REV3L: variants seen among roughly 807,000 people sequenced by gnomAD.
REV3L encodes the protein DNA polymerase zeta catalytic subunit.
REV3L carries 69 observed loss-of-function variants against 299.4 expected under a neutral mutation model. The ratio of observed to expected loss-of-function variants is 0.23; its 90% confidence interval spans 0.19 to 0.28. REV3L has a LOEUF of 0.28. Ranked by LOEUF, REV3L falls within the 10% of genes least tolerant of loss-of-function variation. The probability of loss-of-function intolerance (pLI) is 1.00; values close to 1 mark genes in which losing one functional copy is unlikely to be tolerated. For missense variants in REV3L, 3,128 were observed against 3,693.8 expected (o/e 0.85, Z 3.97); for synonymous variants, 1,238 against 1,271.4 (o/e 0.97, Z 0.56).
chr6:111,424,000 G>C lies in REV3L; in HGVS notation c.140-7528C>G, dbSNP rs568944516. Among the ~76,000 whole-genome samples, 7 of 152,328 alleles carry C rather than the reference G, an allele frequency of 4.6e-5. No individual in the cohort carries two copies. In the East Asian group the frequency reaches 9.6e-4, roughly 21 times the overall value. On this transcript the variant is annotated intron_variant, in intron 1 of 31. Transcript: ENST00000368802. ...GAGCTTAAGAAAGAGATCTGAGCTA[G>C]AGAAGAAGACAGATTTGCCAGTATG...
Position 111,483,203 on chromosome 6 carries a change from A to C in REV3L, c.-315T>G. The stretch of plus-strand genomic sequence containing the variant: ...GTCCCAGGCTGCAGCTCTTGTTGCC[A>C]TGATGATGATGTCACGGACGCAACC... On this transcript the variant is annotated 5_prime_UTR_variant, in exon 1 of 32. It removes an upstream start codon present in the reference 5' UTR. Transcript: ENST00000368802. 1 of 470,706 alleles carries C rather than the reference A, an allele frequency of 2.1e-6. No individual in the cohort carries two copies. The highest frequency in any genetic ancestry group is 3.7e-6 in the Non-Finnish European group (1 of 270,536). 29.2% of individuals were successfully genotyped at this position (470,706 alleles called of 1,614,324 possible). A position where few individuals can be genotyped will look rare whatever the true frequency, so the allele number is the denominator to read the frequency against.
At chr6:111,396,104 G>C (rs1263144352) in intron 4 of REV3L, among the ~76,000 whole-genome samples, 1 of 152,096 alleles carries the variant, frequency 6.6e-6, no homozygotes, top group African/African-American at 2.4e-5. Context: ...TTGGCTTACT[G>C]TAACCTCCGC....
intron 21 of REV3L, among the ~76,000 whole-genome samples, chr6:111,339,796 G>A (rs1235916838): frequency 1.3e-5 from 2 of 151,778 alleles, no homozygotes; most frequent in African/African-American, 4.8e-5. Flanking sequence ...TTCTACTTTC[G>A]GGTCCTATCT....
chr6:111,390,513 A>G (rs750511138), intron 5 of REV3L, among the ~76,000 whole-genome samples: 1 of 152,160 alleles, frequency 6.6e-6, no homozygotes, highest in Non-Finnish European at 1.5e-5. Flanking sequence ...TAAAAACCTC[A>G]GAGGAATGCA....
At chr6:111,479,361 T>A (rs1259509494) in intron 1 of REV3L, among the ~76,000 whole-genome samples, 1 of 152,164 alleles carries the variant, frequency 6.6e-6, no homozygotes, top group African/African-American at 2.4e-5. Context: ...GTTAAAAAAA[T>A]GGAGAGGAAA....
At chr6:111,335,364 A>T in intron 22 of REV3L, 105 bp downstream of exon 22, 1 of 1,216,704 alleles carries the variant, frequency 8.2e-7, no homozygotes, top group Non-Finnish European at 1.1e-6. Context: ...GCTATTGATT[A>T]GTTGGTACCA....
chr6:111,331,037 A>AT, intron 24 of REV3L: 1 of 984,428 alleles, frequency 1.0e-6, no homozygotes, highest in African/African-American at 1.7e-5. Flanking sequence ...CTGTCTCATG[A>AT]TTCTAGTACA....
intron 25 of REV3L, 47 bp downstream of exon 25, chr6:111,329,485 C>A: frequency 6.3e-7 from 1 of 1,576,486 alleles, no homozygotes; most frequent in Non-Finnish European, 8.7e-7. Flanking sequence ...CCGTGCCTCA[C>A]TGTATTTTAG....
intron 4 of REV3L, among the ~76,000 whole-genome samples, chr6:111,397,206 T>C (rs1014776952): frequency 2.6e-5 from 4 of 152,054 alleles, no homozygotes; most frequent in Non-Finnish European, 5.9e-5. Context: ...CATCATTACA[T>C]TGTTTATTTG....
At chr6:111,483,408 C>T (rs900675909), upstream of REV3L, 1 of 432,550 alleles carries the variant, frequency 2.3e-6, no homozygotes, top group Non-Finnish European at 4.1e-6. Context: ...CGGCCGGCGG[C>T]CGGCAGCGCC....
At chr6:111,327,235 G>A (rs1168123453) in intron 25 of REV3L, among the ~76,000 whole-genome samples, 2 of 152,088 alleles carry the variant, frequency 1.3e-5, no homozygotes, top group Admixed American at 1.3e-4. Context: ...AAACCGAGAG[G>A]CAGGGAAGAA....
At chr6:111,306,629 T>G (rs1772336133) in intron 31 of REV3L, among the ~76,000 whole-genome samples, 1 of 152,198 alleles carries the variant, frequency 6.6e-6, no homozygotes, top group Admixed American at 6.5e-5. Context: ...GCAAATCACT[T>G]AAACTCTCTG....
chr6:111,424,478 G>A (rs1049913734), intron 1 of REV3L, among the ~76,000 whole-genome samples: 5 of 152,202 alleles, frequency 3.3e-5, no homozygotes, highest in South Asian at 2.1e-4. Context: ...AATTCAAGGC[G>A]TATTTATTCA....
rs1443023669 is a variant in REV3L at position 111,374,890 on chromosome 6, T to C, written c.3465A>G (p.Val1155=). ...KEAMLFKGPN[V]YKKTVNSRIG... The stretch of plus-strand genomic sequence containing the variant: ...TACGAGAATTAACAGTCTTCTTATA[T>C]ACATTAGGACCCTTAAAAAGCATTG... The change falls in exon 13 of 32, where the codon GTA becomes GTG. Residue 1155 remains valine (V), a synonymous_variant. Coordinates refer to ENST00000368802, the MANE Select transcript of REV3L (RefSeq NM_001372078.1). The C allele has an allele frequency of 4.3e-6, 7 of 1,613,730 alleles. No individual in the cohort carries two copies. The highest frequency in any genetic ancestry group is 2.7e-5 in the African/African-American group (2 of 74,910).
At chr6:111,470,479 G>T (rs989779125) in intron 1 of REV3L, among the ~76,000 whole-genome samples, 1 of 152,090 alleles carries the variant, frequency 6.6e-6, no homozygotes, top group African/African-American at 2.4e-5. Flanking sequence ...CTATTTTATA[G>T]AACTGTTGTG....
At chr6:111,433,760 C>T (rs920359062) in intron 1 of REV3L, among the ~76,000 whole-genome samples, 5 of 152,114 alleles carry the variant, frequency 3.3e-5, no homozygotes, top group Non-Finnish European at 5.9e-5. Flanking sequence ...AAAAAGAAGA[C>T]TACAGGCCAA....
intron 1 of REV3L, among the ~76,000 whole-genome samples, chr6:111,434,832 A>G (rs1787364677): frequency 6.6e-6 from 1 of 152,224 alleles, no homozygotes; most frequent in South Asian, 2.1e-4. Context: ...AGTATAAAAC[A>G]CTGATGAAAG....
chr6:111,374,152 A>C lies in REV3L; in HGVS notation c.4203T>G (p.Ser1401Arg), dbSNP rs1780068263. The C allele has an allele frequency of 1.2e-6, 2 of 1,613,968 alleles. No individual in the cohort carries two copies. ...RNYLSSIGKL[S>R]EYRNSLESKL... ...TTGATTCTAGGGAATTGCGATATTCACTTAACTTTCCGATTGATGACAAAT... is the reference window on the plus strand; with the variant it reads ...TTGATTCTAGGGAATTGCGATATTCCCTTAACTTTCCGATTGATGACAAAT... Residue 1401 changes from serine (S) to arginine (R), a missense_variant, in exon 13 of 32, where the codon AGT becomes AGG. Physicochemically the swap from Ser to Arg is moderately radical, Grantham distance 110. Coordinates refer to ENST00000368802, the MANE Select transcript of REV3L (RefSeq NM_001372078.1).
At chr6:111,427,883 G>A (rs1488775861) in intron 1 of REV3L, among the ~76,000 whole-genome samples, 5 of 152,108 alleles carry the variant, frequency 3.3e-5, no homozygotes, top group Admixed American at 3.3e-4. Flanking sequence ...ATGTAACTCA[G>A]CCAAAAGAGA....
Sources: gnomAD v4.1 joint callset for allele counts (sites outside exome capture counted in the v4.1 genomes callset) on GRCh38, gnomAD v4.1.1 for gene constraint, MANE v1.5 for transcripts, NCBI Gene and HGNC (gene_info 2026-07-23, HGNC 2026-07-21) for gene names.